Variants in NKAIN2 observed in about 807,000 individuals in gnomAD.
NKAIN2 encodes the protein sodium/potassium-transporting ATPase subunit beta-1-interacting protein 2.
NKAIN2 carries 14 observed loss-of-function variants against 32.6 expected under a neutral mutation model. That is an observed-to-expected ratio of 0.43 (90% CI 0.28 to 0.67). NKAIN2 has a LOEUF of 0.67. Ranked by LOEUF, NKAIN2 falls within the 30% of genes least tolerant of loss-of-function variation. The pLI is 0.17. For missense variants in NKAIN2, 198 were observed against 258.3 expected (o/e 0.77, Z 1.60); for synonymous variants, 80 against 87.2 (o/e 0.92, Z 0.46).
At chr6:124,142,973 G>A (rs911991000) in intron 1 of NKAIN2, among the ~76,000 whole-genome samples, 10 of 152,086 alleles carry the variant, frequency 6.6e-5, no homozygotes, top group African/African-American at 1.9e-4. Flanking sequence ...TAAAATCCAC[G>A]TACTTAACCA....
intron 4 of NKAIN2, among the ~76,000 whole-genome samples, chr6:124,696,473 C>T (rs1446606656): frequency 6.6e-6 from 1 of 152,126 alleles, no homozygotes; most frequent in Non-Finnish European, 1.5e-5. Flanking sequence ...CTCCCATGCC[C>T]TGAGACCTGC....
At chr6:123,911,799 A>ATATG (rs1562253388) in intron 1 of NKAIN2, among the ~76,000 whole-genome samples, 1 of 99,302 alleles carries the variant, frequency 1.0e-5, no homozygotes, top group African/African-American at 4.8e-5. Flanking sequence ...ATATATATAT[A>ATATG]TGTATATATA....
intron 4 of NKAIN2, among the ~76,000 whole-genome samples, chr6:124,777,131 T>C (rs1268429648): frequency 6.6e-6 from 1 of 152,198 alleles, no homozygotes; most frequent in African/African-American, 2.4e-5. Flanking sequence ...ATAATTCAGA[T>C]TTTTAATAAA....
intron 4 of NKAIN2, among the ~76,000 whole-genome samples, chr6:124,706,047 A>C (rs1478346572): frequency 6.6e-6 from 1 of 152,104 alleles, no homozygotes; most frequent in African/African-American, 2.4e-5. Flanking sequence ...CTTGATGATC[A>C]CAATGATAAT....
intron 3 of NKAIN2, among the ~76,000 whole-genome samples, chr6:124,576,469 A>G (rs931417487): frequency 2.0e-5 from 3 of 152,326 alleles, no homozygotes; most frequent in African/African-American, 7.2e-5. Context: ...TGCGAACCAC[A>G]CTGGGCTGGA....
chr6:124,447,419 A>T (rs1229088650), intron 3 of NKAIN2, among the ~76,000 whole-genome samples: 1 of 152,136 alleles, frequency 6.6e-6, no homozygotes, highest in Admixed American at 6.6e-5. Context: ...GAAGGATGGA[A>T]ATGCCTTAAC....
At chr6:124,058,348 GAAGA>G (rs1481450531) in intron 1 of NKAIN2, among the ~76,000 whole-genome samples, 1 of 151,936 alleles carries the variant, frequency 6.6e-6, no homozygotes, top group Non-Finnish European at 1.5e-5. Flanking sequence ...AAAATTATAT[GAAGA>G]AAGAATGCCC....
chr6:124,380,821 T>G (rs1772602537), intron 3 of NKAIN2, among the ~76,000 whole-genome samples: 1 of 152,176 alleles, frequency 6.6e-6, no homozygotes, highest in African/African-American at 2.4e-5. Flanking sequence ...AGAAATCATC[T>G]GAGGATAAAA....
At chr6:123,843,394 A>G (rs115830266) in intron 1 of NKAIN2, among the ~76,000 whole-genome samples, 4,103 of 152,168 alleles carry the variant, frequency 0.027, 112 homozygotes, top group African/African-American at 0.075. Context: ...ATAGTCCCCA[A>G]TGTTCAGCTG....
chr6:124,291,096 T>G (rs185873399), intron 2 of NKAIN2, among the ~76,000 whole-genome samples: 47 of 152,252 alleles, frequency 3.1e-4, no homozygotes, highest in Admixed American at 2.8e-3. Flanking sequence ...ATCTGTCTCA[T>G]GACAGAGAAT....
chr6:124,515,580 A>C (rs1352586192), intron 3 of NKAIN2, among the ~76,000 whole-genome samples: 2 of 151,942 alleles, frequency 1.3e-5, no homozygotes, highest in African/African-American at 4.8e-5. Context: ...ATTCGTGACA[A>C]ATCTATCCCC....
At chr6:124,136,148 A>G (rs1048265020) in intron 1 of NKAIN2, among the ~76,000 whole-genome samples, 32 of 152,208 alleles carry the variant, frequency 2.1e-4, no homozygotes, top group African/African-American at 7.5e-4. Flanking sequence ...TACCAAGAAA[A>G]GAGAAGATAC....
chr6:124,363,324 A>T (rs1229644196), intron 3 of NKAIN2, among the ~76,000 whole-genome samples: 1 of 152,192 alleles, frequency 6.6e-6, no homozygotes. Context: ...TTCGAAAAAG[A>T]TGAGCTAACT....
intron 1 of NKAIN2, among the ~76,000 whole-genome samples, chr6:123,818,160 G>T (rs1219129525): frequency 2.6e-5 from 4 of 152,100 alleles, no homozygotes; most frequent in African/African-American, 9.7e-5. Context: ...TTTAAGATAG[G>T]AATGCATATT....
intron 1 of NKAIN2, among the ~76,000 whole-genome samples, chr6:123,899,973 A>G (rs9482487): frequency 0.32 from 48,685 of 151,962 alleles, 10,558 homozygotes; most frequent in African/African-American, 0.62. Flanking sequence ...CTCTCTGACC[A>G]TGATGCTCGA....
chr6:123,908,192 G>A (rs545214874), intron 1 of NKAIN2, among the ~76,000 whole-genome samples: 20 of 152,122 alleles, frequency 1.3e-4, no homozygotes, highest in African/African-American at 4.6e-4. Flanking sequence ...AAAATATCTT[G>A]CAAGAGATCT....
At chr6:124,404,690 A>G (rs1249591284) in intron 3 of NKAIN2, among the ~76,000 whole-genome samples, 1 of 151,972 alleles carries the variant, frequency 6.6e-6, no homozygotes, top group Admixed American at 6.6e-5. Flanking sequence ...TTTTTTGAAT[A>G]TTTTATGTAT....
Position 124,569,789 on chromosome 6 carries a change from G to A in NKAIN2, c.274-88397G>A, listed in dbSNP as rs115554664. Among the ~76,000 whole-genome samples the A allele has an allele frequency of 3.3e-3, 509 of 152,218 alleles. 2 individuals carry two copies. The highest frequency in any genetic ancestry group is 0.012 in the African/African-American group (497 of 41,526). ...AAATATGGACTAATACAGTAAATTG[G>A]TACTGAGAGTAGGGTGTTGCTGAAA... On this transcript the variant is annotated intron_variant, in intron 3 of 6. Coordinates refer to ENST00000368417, the MANE Select transcript of NKAIN2 (RefSeq NM_001040214.3).
At chr6:124,272,437 G>C (rs906996171) in intron 1 of NKAIN2, among the ~76,000 whole-genome samples, 10 of 152,172 alleles carry the variant, frequency 6.6e-5, no homozygotes, top group African/African-American at 2.4e-4. Context: ...TGTTGAGCTT[G>C]TGGGTACTCA....
Sources: gnomAD v4.1 joint callset for allele counts (sites outside exome capture counted in the v4.1 genomes callset) on GRCh38, gnomAD v4.1.1 for gene constraint, MANE v1.5 for transcripts, NCBI Gene and HGNC (gene_info 2026-07-23, HGNC 2026-07-21) for gene names.